The following SLFN14 variants were observed in gnomAD, a reference collection of about 807,000 sequenced individuals.
The protein encoded by SLFN14 is schlafen family member 14.
SLFN14 carries 47 observed loss-of-function variants against 58.6 expected under a neutral mutation model. The ratio of observed to expected loss-of-function variants is 0.80; its 90% confidence interval spans 0.64 to 1.02. The LOEUF (loss-of-function observed/expected upper bound fraction) is 1.02, where lower values mean the gene tolerates loss of function less well. Ranked by LOEUF, SLFN14 falls within the 50% of genes least tolerant of loss-of-function variation. The probability of loss-of-function intolerance (pLI) is 0.00; values close to 1 mark genes in which losing one functional copy is unlikely to be tolerated. For missense variants in SLFN14, 967 were observed against 1,078.4 expected (o/e 0.90, Z 1.45); for synonymous variants, 390 against 387.3 (o/e 1.01, Z -0.08).
chr17:35,555,389 C>A (rs1442484179), intron 3 of SLFN14, among the ~76,000 whole-genome samples: 34 of 146,986 alleles, frequency 2.3e-4, no homozygotes, highest in Admixed American at 2.0e-3. Context: ...AAAAAAAATA[C>A]AAAAAAATAC....
intron 1 of SLFN14, among the ~76,000 whole-genome samples, chr17:35,560,399 C>T (rs1188843457): frequency 6.6e-6 from 1 of 152,198 alleles, no homozygotes; most frequent in Non-Finnish European, 1.5e-5. Flanking sequence ...GATCTCTTGG[C>T]TCATGGCAAC....
Position 35,557,169 on chromosome 17 carries a change from A to T in SLFN14, c.894T>A (p.Asn298Lys). 6.4e-7 allele frequency: 1 copy of T among 1,551,730 alleles called. No individual in the cohort carries two copies. Among genetic ancestry groups the T allele is most frequent in the Non-Finnish European group, 8.7e-7 (1 of 1,146,992 alleles). Residue 298 changes from asparagine (N) to lysine (K), a missense_variant, in exon 3 of 6, where the codon AAT becomes AAA. Coordinates refer to ENST00000674182, the MANE Select transcript of SLFN14 (RefSeq NM_001129820.2). The part of the protein sequence containing the change: ...PKVNFTTKIL[N>K]VYQKDVLDGY... ...CATCCAGGACATCTTTTTGGTACAC[A>T]TTCAGGATTTTTGTAGTGAAATTTA...
intron 5 of SLFN14, among the ~76,000 whole-genome samples, chr17:35,550,804 T>C (rs2072579054): frequency 6.6e-6 from 1 of 152,234 alleles, no homozygotes; most frequent in Non-Finnish European, 1.5e-5. Context: ...GTTAGAGATT[T>C]AAATCAGAAG....
intron 5 of SLFN14, among the ~76,000 whole-genome samples, chr17:35,552,421 G>A (rs1396697369): frequency 6.6e-6 from 1 of 151,906 alleles, no homozygotes; most frequent in South Asian, 2.1e-4. Context: ...ATGCTAATTA[G>A]GCAAAAACAA....
chr17:35,557,784 C>T lies in SLFN14; in HGVS notation c.279G>A (p.Gln93=), dbSNP rs1309106657. Residue 93 remains glutamine (Q), a synonymous_variant, in exon 3 of 6, where the codon CAG becomes CAA. Coordinates refer to ENST00000674182, the MANE Select transcript of SLFN14 (RefSeq NM_001129820.2). The stretch of plus-strand genomic sequence containing the variant: ...CCTGCTGCATGTAGTCAAGGTATTT[C>T]TGTGAACCTGAAGGAAGGAGCTTTT... The part of the protein sequence containing the change: ...SFQKLLPSGS[Q]KYLDYMQQGH... 1 of 1,551,576 alleles carries T rather than the reference C, an allele frequency of 6.4e-7. No homozygotes were observed. The highest frequency in any genetic ancestry group is 1.4e-5 in the African/African-American group (1 of 73,032).
Position 35,557,250 on chromosome 17 carries a change from G to A in SLFN14, c.813C>T (p.Ile271=), listed in dbSNP as rs756554521. 3.6e-5 allele frequency: 56 copies of A among 1,551,522 alleles called. No homozygotes were observed. The South Asian group carries it at 5.4e-4, about 15-fold the overall frequency. ...KVNPDLLKKE[I]ENCIEKLPTF... ...TAGGCAATTTTTCTATGCAGTTTTC[G>A]ATTTCTTTTTTTAGTAAGTCAGGAT... The change falls in exon 3 of 6, where the codon ATC becomes ATT. Residue 271 remains isoleucine, a synonymous_variant. Transcript: ENST00000674182.
In SLFN14 at chr17:35,558,979, T is replaced by A. The variant is rs1279320457; in HGVS notation, c.-45+748A>T. Among the ~76,000 whole-genome samples, 4 of 151,796 alleles carry A rather than the reference T, an allele frequency of 2.6e-5. 1 individual carries two copies. In the South Asian group the frequency reaches 8.3e-4, roughly 32 times the overall value. Reference sequence around the variant, plus strand: ...TAATCTCAGCACTTTGGGAGGTGGATGTGAGAGGATTGCTTTCGATCAGGA... The same window carrying A: ...TAATCTCAGCACTTTGGGAGGTGGAAGTGAGAGGATTGCTTTCGATCAGGA... On this transcript the variant is annotated intron_variant, in intron 2 of 5. Coordinates refer to ENST00000674182, the MANE Select transcript of SLFN14 (RefSeq NM_001129820.2).
In SLFN14 at chr17:35,557,956, C is replaced by G; in HGVS notation, c.107G>C (p.Cys36Ser). The part of the protein sequence containing the change: ...EENRKKMTNS[C>S]LKRSENSRII... Reference sequence around the variant, plus strand: ...TCTAGAATTCTCAGATCTTTTCAAACAGCTGTTGGTCATCTTCTTCCTGTT... The same window carrying G: ...TCTAGAATTCTCAGATCTTTTCAAAGAGCTGTTGGTCATCTTCTTCCTGTT... The change falls in exon 3 of 6, where the codon TGT (cysteine) becomes TCT (serine). Residue 36 changes from cysteine (C) to serine (S), a missense_variant. Physicochemically the swap from Cys to Ser is moderately radical, Grantham distance 112. Coordinates refer to ENST00000674182, the MANE Select transcript of SLFN14 (RefSeq NM_001129820.2). 1 of 1,551,664 alleles carries G rather than the reference C, an allele frequency of 6.4e-7. No individual in the cohort carries two copies. Among genetic ancestry groups the G allele is most frequent in the Non-Finnish European group, 8.7e-7 (1 of 1,146,990 alleles).
intron 5 of SLFN14, among the ~76,000 whole-genome samples, chr17:35,550,507 C>T (rs1389542365): frequency 6.6e-6 from 1 of 152,204 alleles, no homozygotes; most frequent in Non-Finnish European, 1.5e-5. Context: ...GATCGTGCCA[C>T]TGCACTCCAG....
chr17:35,544,731 T>G lies in SLFN14; in HGVS notation c.*3508A>C, dbSNP rs2072522648. Among the ~76,000 whole-genome samples the G allele has an allele frequency of 6.6e-6, 1 of 152,118 alleles. No homozygotes were observed. Among genetic ancestry groups the G allele is most frequent in the Admixed American group, 6.5e-5 (1 of 15,280 alleles). On this transcript the variant is annotated 3_prime_UTR_variant, in exon 6 of 6. Transcript: ENST00000674182. ...TTAGTGGAGACAGGGTTTCTCCATGTTGGTCAGGCTGGTCTTGAACTCCTG... is the reference window on the plus strand; with the variant it reads ...TTAGTGGAGACAGGGTTTCTCCATGGTGGTCAGGCTGGTCTTGAACTCCTG...
rs2072616776 is a variant in SLFN14, at chr17:35,553,427, G to C, written c.1207C>G (p.Gln403Glu). The C allele has an allele frequency of 6.5e-7, 1 of 1,546,128 alleles. No individual in the cohort carries two copies. Among genetic ancestry groups the C allele is most frequent in the Non-Finnish European group, 8.7e-7 (1 of 1,144,022 alleles). ...HLFPVTQEEV[Q>E]FKPESLCKKL... ...TTACAGAGGGATTCTGGTTTAAATT[G>C]TACCTCTTCCTGTGTCACTGAAAAT... The change falls in exon 5 of 6, where the codon CAA becomes GAA. Residue 403 changes from glutamine (Q) to glutamate (E), a missense_variant. Physicochemically the swap from Gln to Glu is conservative, Grantham distance 29. Coordinates refer to ENST00000674182, the MANE Select transcript of SLFN14 (RefSeq NM_001129820.2).
chr17:35,557,695 A>C lies in SLFN14; in HGVS notation c.368T>G (p.Ile123Ser), dbSNP rs1287139250. The change falls in exon 3 of 6, where the codon ATT (isoleucine) becomes AGT (serine). Residue 123 changes from isoleucine (I) to serine (S), a missense_variant. Ile to Ser is a moderately radical substitution (Grantham distance 142). Coordinates refer to ENST00000674182, the MANE Select transcript of SLFN14 (RefSeq NM_001129820.2). ...ATACAAATTGGAGCGCAAGCTGCAA[A>C]TCCTTAGTGGAAGGCTGAAAACATC... ...SPDVFSLPLR[I>S]CSLRSNLYRR... The C allele has an allele frequency of 1.3e-6, 2 of 1,551,730 alleles. No individual in the cohort carries two copies. The highest frequency in any genetic ancestry group is 2.4e-5 in the South Asian group (2 of 84,064).
chr17:35,552,767 A>G lies in SLFN14; in HGVS notation c.1867T>C (p.Tyr623His). The change falls in exon 5 of 6, where the codon TAT (tyrosine) becomes CAT (histidine). Residue 623 changes from tyrosine (Y) to histidine (H), a missense_variant. Transcript: ENST00000674182. ...TTTAGGGAGTCGCTTTCACAAACAT[A>G]GAGGATCTCTTTTGGTTTGCAGTGA... ...LFHCKPKEIL[Y>H]VCESDSLKDF... 6.4e-7 allele frequency: 1 copy of G among 1,551,020 alleles called. No homozygotes were observed. The highest frequency in any genetic ancestry group is 1.2e-5 in the South Asian group (1 of 83,994).
chr17:35,556,234 C>T (rs368876546), intron 3 of SLFN14, among the ~76,000 whole-genome samples: 49 of 151,880 alleles, frequency 3.2e-4, no homozygotes, highest in African/African-American at 1.2e-3. Context: ...GATAGGGCTT[C>T]GCTATTTTGG....
chr17:35,556,060 C>T (rs142893302), intron 3 of SLFN14, among the ~76,000 whole-genome samples: 9 of 151,648 alleles, frequency 5.9e-5, no homozygotes, highest in African/African-American at 1.2e-4. Flanking sequence ...TTTTTTGAGA[C>T]GGGGTCTCGC....
rs534353099 is a variant in SLFN14, at chr17:35,547,030, G to A, written c.*1209C>T. ...TGTAGGAAGACTACTTTCCAGGCCA[G>A]CGGCAGAGTATAAGGCATTTCTAGC... On this transcript the variant is annotated 3_prime_UTR_variant, in exon 6 of 6. Transcript: ENST00000674182. Among the ~76,000 whole-genome samples the A allele has an allele frequency of 2.0e-5, 3 of 152,282 alleles. No individual in the cohort carries two copies. In the East Asian group the frequency reaches 5.8e-4, roughly 29 times the overall value.
chr17:35,552,668 A>ATG (rs2072605872), intron 5 of SLFN14, 62 bp downstream of exon 5: 1 of 895,836 alleles, frequency 1.1e-6, no homozygotes, highest in Non-Finnish European at 1.7e-6. Context: ...ATACACATAT[A>ATG]TATACACATA....
chr17:35,548,378 T>G lies in SLFN14; in HGVS notation c.2600A>C (p.Gln867Pro), dbSNP rs1164595352. 6.4e-7 allele frequency: 1 copy of G among 1,551,708 alleles called. No individual in the cohort carries two copies. Among genetic ancestry groups the G allele is most frequent in the South Asian group, 1.2e-5 (1 of 84,066 alleles). Residue 867 changes from glutamine to proline, a missense_variant, in exon 6 of 6, where the codon CAA becomes CCA. Physicochemically the swap from Gln to Pro is moderately conservative, Grantham distance 76 (BLOSUM62 -1). Coordinates refer to ENST00000674182, the MANE Select transcript of SLFN14 (RefSeq NM_001129820.2). ...GSHIVLDSIQ[Q>P]FSGLERTVVF... is the part of the protein sequence containing the mutation. Reference sequence around the variant, plus strand: ...GACAGTCCTCTCCAGGCCTGAAAATTGCTGAATACTGTCTAAAACAATGTG... The same window carrying G: ...GACAGTCCTCTCCAGGCCTGAAAATGGCTGAATACTGTCTAAAACAATGTG...
chr17:35,551,379 C>G (rs2072584947), intron 5 of SLFN14, among the ~76,000 whole-genome samples: 1 of 152,172 alleles, frequency 6.6e-6, no homozygotes, highest in Non-Finnish European at 1.5e-5. Context: ...GTACCTCAGC[C>G]TATCGTTGTT....
Sources: allele counts gnomAD v4.1 joint callset (sites outside exome capture counted in the v4.1 genomes callset), GRCh38; gene constraint gnomAD v4.1.1; transcripts MANE v1.5; gene names NCBI Gene and HGNC (gene_info 2026-07-23, HGNC 2026-07-21).